Variants in XKR6 observed in about 807,000 individuals in gnomAD.
XKR6 encodes XK-related protein 6.
Under a neutral mutation model 56.7 loss-of-function variants are expected in XKR6, and 22 were observed. The observed-to-expected ratio is 0.39, with a 90% CI of 0.28 to 0.55. XKR6 has a LOEUF of 0.55. Among genes scored for constraint, XKR6 ranks in the 20% least tolerant of loss-of-function variants. The pLI, the probability that XKR6 is intolerant of heterozygous loss-of-function variation, is 0.66. For synonymous variants in XKR6, 524 were observed against 387.8 expected, an observed-to-expected ratio of 1.35 and a Z score of -4.13; for missense variants, 852 against 889.0, an observed-to-expected ratio of 0.96 and a Z score of 0.53.
At chr8:10,916,800 G>C (rs1800576875) in intron 2 of XKR6, among the ~76,000 whole-genome samples, 1 of 152,200 alleles carries the variant, frequency 6.6e-6, no homozygotes, top group Non-Finnish European at 1.5e-5. Flanking sequence ...AAACCGAATT[G>C]TCCTTCTGAG....
At chr8:11,120,946 C>T (rs961596331) in intron 1 of XKR6, among the ~76,000 whole-genome samples, 2 of 152,170 alleles carry the variant, frequency 1.3e-5, no homozygotes, top group East Asian at 3.8e-4. Context: ...AAAGGATTCC[C>T]TATTTAATAA....
chr8:11,097,908 T>C lies in XKR6; in HGVS notation c.764+102668A>G, dbSNP rs187000557. 8.8e-4 allele frequency among the ~76,000 whole-genome samples: 133 copies of C among 150,966 alleles called. 1 individual carries two copies. The highest frequency in any genetic ancestry group is 8.6e-3 in the Admixed American group (130 of 15,178). On this transcript the variant is annotated intron_variant, in intron 1 of 2. Transcript: ENST00000416569. ...TTAAAGCTATTTGCTATAGTGTTAG[T>C]AACATCTAAGGCAAGATGAGAATTC...
intron 1 of XKR6, among the ~76,000 whole-genome samples, chr8:11,157,811 G>A (rs555496624): frequency 6.6e-6 from 1 of 152,104 alleles, no homozygotes; most frequent in Non-Finnish European, 1.5e-5. Context: ...CACCATGCCT[G>A]GCCAAAATGT....
intron 1 of XKR6, among the ~76,000 whole-genome samples, chr8:11,088,285 C>A (rs1797957549): frequency 6.6e-6 from 1 of 152,334 alleles, no homozygotes; most frequent in East Asian, 1.9e-4. Flanking sequence ...GAAACCCAAT[C>A]TGACATAAAA....
intron 1 of XKR6, among the ~76,000 whole-genome samples, chr8:11,030,425 T>C (rs1798965700): frequency 6.6e-6 from 1 of 152,206 alleles, no homozygotes; most frequent in African/African-American, 2.4e-5. Context: ...ACCAACAGGA[T>C]GCCCTCCAGT....
At chr8:10,976,018 C>CA (rs5889352) in intron 1 of XKR6, among the ~76,000 whole-genome samples, 36,606 of 151,484 alleles carry the variant, frequency 0.24, 4,603 homozygotes, top group East Asian at 0.33. Context: ...ACTAAAAATA[C>CA]AAAAAAAATT....
chr8:11,179,009 A>G (rs1258150150), intron 1 of XKR6, among the ~76,000 whole-genome samples: 1 of 140,626 alleles, frequency 7.1e-6, no homozygotes, highest in Non-Finnish European at 1.5e-5. Flanking sequence ...CACCTGGCTA[A>G]TTTTCTTTTT....
At chr8:10,913,470 C>T (rs1271168843) in intron 2 of XKR6, among the ~76,000 whole-genome samples, 1 of 152,156 alleles carries the variant, frequency 6.6e-6, no homozygotes, top group Non-Finnish European at 1.5e-5. Flanking sequence ...GAAAGCACTT[C>T]ACTCAGCCAA....
At position 11,201,784 on chromosome 8, in the gene XKR6, TCCTC is replaced by T. The variant is rs897261061; in HGVS notation, c.-449_-446del. ...AGTGCCAGACGTTTTGGGGTCCCCT[TCCTC>T]AGCGTCGCAGCTCACAGCTTTCCTC... On this transcript the variant is annotated 5_prime_UTR_variant, in exon 1 of 3. Transcript: ENST00000416569. Among the ~76,000 whole-genome samples the T allele has an allele frequency of 5.9e-5, 9 of 152,034 alleles. No homozygotes were observed. The highest frequency in any genetic ancestry group is 4.6e-4 in the Admixed American group (7 of 15,278).
intron 1 of XKR6, among the ~76,000 whole-genome samples, chr8:11,088,990 C>T (rs1405948058): frequency 6.6e-6 from 1 of 152,134 alleles, no homozygotes; most frequent in Non-Finnish European, 1.5e-5. Flanking sequence ...GATGGGGTGA[C>T]ATTTTGTAGG....
chr8:11,053,478 A>T (rs779642838), intron 1 of XKR6, among the ~76,000 whole-genome samples: 1 of 152,188 alleles, frequency 6.6e-6, no homozygotes, highest in Non-Finnish European at 1.5e-5. Flanking sequence ...CCATTCCCAG[A>T]CAGAGGAGGT....
At chr8:11,158,494 G>C (rs139816976) in intron 1 of XKR6, among the ~76,000 whole-genome samples, 3 of 152,182 alleles carry the variant, frequency 2.0e-5, no homozygotes, top group Non-Finnish European at 4.4e-5. Context: ...GCTGTGCCTA[G>C]AAACTTCGCC....
intron 1 of XKR6, among the ~76,000 whole-genome samples, chr8:11,083,145 A>G (rs1024127049): frequency 5.3e-5 from 8 of 152,198 alleles, no homozygotes; most frequent in African/African-American, 1.7e-4. Context: ...CTCGGCAGCC[A>G]GTGGGAGCCC....
At chr8:11,162,721 C>T (rs1291928901) in intron 1 of XKR6, among the ~76,000 whole-genome samples, 1 of 152,226 alleles carries the variant, frequency 6.6e-6, no homozygotes, top group African/African-American at 2.4e-5. Context: ...TACTGGTTAA[C>T]CCAGTAAGGC....
intron 1 of XKR6, among the ~76,000 whole-genome samples, chr8:10,988,664 C>A (rs892079636): frequency 5.3e-5 from 8 of 152,198 alleles, no homozygotes; most frequent in Non-Finnish European, 1.2e-4. Flanking sequence ...GGACATGTCA[C>A]CTGCTCAGAG....
rs1227514901 is a variant in XKR6, at chr8:11,086,141, T to TAC, written c.764+114434_764+114435insGT. Among the ~76,000 whole-genome samples the TAC allele has an allele frequency of 5.3e-4, 62 of 116,654 alleles. No individual in the cohort carries two copies. The South Asian group carries it at 0.013, about 24-fold the overall frequency. 76.5% of individuals were successfully genotyped at this position (116,654 alleles called of 152,430 possible). A position where few individuals can be genotyped will look rare whatever the true frequency, so the allele number is the denominator to read the frequency against. On this transcript the variant is annotated intron_variant, in intron 1 of 2. Coordinates refer to ENST00000416569, the MANE Select transcript of XKR6 (RefSeq NM_173683.4). The stretch of plus-strand genomic sequence containing the variant: ...TGTTTTTTTAAAAAGAAAATATATA[T>TAC]ATATATATTTTTTTTTAAAAAAAAC...
intron 1 of XKR6, among the ~76,000 whole-genome samples, chr8:11,197,114 C>G (rs1239916818): frequency 1.3e-5 from 2 of 152,190 alleles, no homozygotes; most frequent in African/African-American, 4.8e-5. Flanking sequence ...GAAGGCAACC[C>G]TCTACCACAT....
chr8:11,200,660 G>A lies in XKR6; in HGVS notation c.680C>T (p.Thr227Met), dbSNP rs775635300. 2.6e-6 allele frequency: 4 copies of A among 1,556,224 alleles called. No individual in the cohort carries two copies. In the African/African-American group the frequency reaches 5.7e-5, roughly 22 times the overall value. The change falls in exon 1 of 3, where the codon ACG (threonine) becomes ATG (methionine). Residue 227 changes from threonine (T) to methionine (M), a missense_variant. By Grantham distance (81) the Thr-to-Met change is moderately conservative. This residue lies in a region of XKR6 where 417 missense variants were observed against 355.2 expected (regional missense o/e 1.17). Coordinates refer to ENST00000416569, the MANE Select transcript of XKR6 (RefSeq NM_173683.4). This position sits in a 1 kb window ranked among gnomAD's most constrained non-coding sequence, Gnocchi z 6.4. Reference protein sequence around the residue: ...RGGPGVRVSPTPGAQRLCRLS... With the variant: ...RGGPGVRVSPMPGAQRLCRLS... ...GCGACACAGGCGCTGCGCCCCCGGC[G>A]TGGGGGAGACCCTCACGCCTGGGCC...
chr8:10,897,767 A>G lies in XKR6; in HGVS notation c.*185T>C. On this transcript the variant is annotated 3_prime_UTR_variant, in exon 3 of 3. Transcript: ENST00000416569. ...GTATACATACAGCGACTGGAAAGAA[A>G]GCTTATTTGAAGGGGTTGTGACTTA... 1 of 630,932 alleles carries G rather than the reference A, an allele frequency of 1.6e-6. No homozygotes were observed. Among genetic ancestry groups the G allele is most frequent in the Non-Finnish European group, 2.5e-6 (1 of 405,350 alleles). The allele number at this position is 630,932 out of a possible 1,614,324, so 39.1% of individuals were successfully genotyped here.
Sources: gnomAD v4.1 joint callset for allele counts (sites outside exome capture counted in the v4.1 genomes callset) on GRCh38, gnomAD v4.1.1 for gene constraint, gnomAD v4.1.1 regional missense constraint, Gnocchi (gnomAD v3.1) non-coding constraint, MANE v1.5 for transcripts, NCBI Gene and HGNC (gene_info 2026-07-23, HGNC 2026-07-21) for gene names.